GRIK1: variants seen among roughly 807,000 people sequenced by gnomAD.
GRIK1 encodes glutamate receptor ionotropic, kainate 1.
GRIK1 carries 69 observed loss-of-function variants against 105.7 expected under a neutral mutation model. The observed-to-expected ratio is 0.65, with a 90% CI of 0.54 to 0.80. GRIK1 has a LOEUF of 0.80. Ranked by LOEUF, GRIK1 falls within the 30% of genes least tolerant of loss-of-function variation. GRIK1 has a pLI of 0.00. For synonymous variants in GRIK1, 438 were observed against 431.3 expected, an observed-to-expected ratio of 1.02 and a Z score of -0.19; for missense variants, 1,109 against 1,167.3, an observed-to-expected ratio of 0.95 and a Z score of 0.73.
At chr21:29,784,875 T>C (rs1397522328) in intron 1 of GRIK1, among the ~76,000 whole-genome samples, 1 of 152,084 alleles carries the variant, frequency 6.6e-6, no homozygotes, top group East Asian at 1.9e-4. Context: ...AATCAGGGAG[T>C]TGCCCAAGCT....
chr21:29,804,784 C>T (rs2066817246), intron 1 of GRIK1, among the ~76,000 whole-genome samples: 1 of 152,126 alleles, frequency 6.6e-6, no homozygotes, highest in South Asian at 2.1e-4. Flanking sequence ...AGAAAGGTAT[C>T]TGTGGGAAGT....
chr21:29,561,734 G>A lies in GRIK1; in HGVS notation c.2246C>T (p.Ala749Val), dbSNP rs1017685323. The change falls in exon 15 of 18, where the codon GCG (alanine) becomes GTG (valine). Residue 749 changes from alanine (A) to valine (V), a missense_variant. Ala to Val is a moderately conservative substitution (Grantham distance 64). Around this residue, in one of 5 missense-constraint regions of GRIK1, gnomAD observed 264 missense variants for 306.9 expected, o/e 0.86. Transcript: ENST00000327783. ...GIQRVLTTDY[A>V]LLMESTSIEY... ...AATGCTGGTGGACTCCATCAGCAGC[G>A]CGTAGTCTGTGGTGAGCACTCTCTG... 13 of 1,613,458 alleles carry A rather than the reference G, an allele frequency of 8.1e-6. No individual in the cohort carries two copies. The highest frequency in any genetic ancestry group is 1.6e-4 in the Middle Eastern group (1 of 6,084).
chr21:29,770,180 G>A (rs765767750), intron 1 of GRIK1, among the ~76,000 whole-genome samples: 48 of 152,174 alleles, frequency 3.2e-4, no homozygotes, highest in Non-Finnish European at 5.7e-4. Flanking sequence ...GACAACTCGC[G>A]TTTTAAATTT....
intron 1 of GRIK1, among the ~76,000 whole-genome samples, chr21:29,852,866 A>G (rs545612133): frequency 6.6e-6 from 1 of 152,288 alleles, no homozygotes; most frequent in African/African-American, 2.4e-5. Context: ...TGCTTCTTTA[A>G]GTTATAAAGC....
At chr21:29,758,910 A>T (rs1270420383) in intron 1 of GRIK1, 3 of 153,248 alleles carry the variant, frequency 2.0e-5, no homozygotes, top group Non-Finnish European at 4.4e-5. Context: ...ATGCACAAGG[A>T]GCTCAGAGAA....
chr21:29,708,639 A>G (rs2063971834), intron 1 of GRIK1, among the ~76,000 whole-genome samples: 1 of 152,112 alleles, frequency 6.6e-6, no homozygotes, highest in African/African-American at 2.4e-5. Context: ...AGAGGACTTC[A>G]TTGCTAGTGA....
chr21:29,596,473 G>A lies in GRIK1; in HGVS notation c.1251+53C>T, dbSNP rs754573148. Reference sequence around the variant, plus strand: ...TTGGAAGGGCACAGGCCTTTCCAATGACATTCCCCATCCCACCCCCAGGTT... The same window carrying A: ...TTGGAAGGGCACAGGCCTTTCCAATAACATTCCCCATCCCACCCCCAGGTT... On this transcript the variant is annotated intron_variant, in intron 9 of 17. Coordinates refer to ENST00000327783, the MANE Select transcript of GRIK1 (RefSeq NM_001330994.2). 7 of 1,214,492 alleles carry A rather than the reference G, an allele frequency of 5.8e-6. No individual in the cohort carries two copies. In the South Asian group the frequency reaches 8.4e-5, roughly 15 times the overall value. The allele number at this position is 1,214,492 out of a possible 1,614,324, so 75.2% of individuals were successfully genotyped here. A position where few individuals can be genotyped will look rare whatever the true frequency, so the allele number is the denominator to read the frequency against.
intron 1 of GRIK1, among the ~76,000 whole-genome samples, chr21:29,801,329 C>T (rs1218188269): frequency 1.3e-5 from 2 of 151,764 alleles, no homozygotes; most frequent in African/African-American, 4.8e-5. Context: ...TAGTACTTAC[C>T]TCTTTTTAAA....
chr21:29,856,925 A>G (rs2068481978), intron 1 of GRIK1, among the ~76,000 whole-genome samples: 1 of 152,088 alleles, frequency 6.6e-6, no homozygotes, highest in Admixed American at 6.6e-5. Context: ...ATATTTGAGG[A>G]ACTGCCAGGA....
intron 4 of GRIK1, chr21:29,657,448 T>G (rs1300764336): frequency 6.6e-6 from 1 of 152,204 alleles, no homozygotes; most frequent in Non-Finnish European, 1.5e-5. Context: ...GATATTAAAA[T>G]GCAGCGAATA....
chr21:29,610,365 C>T (rs994405332), intron 7 of GRIK1, among the ~76,000 whole-genome samples: 3 of 151,970 alleles, frequency 2.0e-5, no homozygotes, highest in Non-Finnish European at 2.9e-5. Context: ...GAGATCATCC[C>T]GGATTATCTG....
At position 29,559,805 on chromosome 21, in the gene GRIK1, T is replaced by C. The variant is rs571676741; in HGVS notation, c.2356+1819A>G. Among the ~76,000 whole-genome samples the C allele has an allele frequency of 4.7e-4, 72 of 152,304 alleles. 1 individual carries two copies. Among genetic ancestry groups the C allele is most frequent in the South Asian group, 2.3e-3 (11 of 4,826 alleles). ...AAACATTAGGACAATTCACCTAAAATCTGGATTTTTTTTATTTTCTTAGAA... is the reference window on the plus strand; with the variant it reads ...AAACATTAGGACAATTCACCTAAAACCTGGATTTTTTTTATTTTCTTAGAA... On this transcript the variant is annotated intron_variant, in intron 15 of 17. Transcript: ENST00000327783.
chr21:29,791,631 A>G (rs1475894286), intron 1 of GRIK1, among the ~76,000 whole-genome samples: 1 of 152,190 alleles, frequency 6.6e-6, no homozygotes, highest in Non-Finnish European at 1.5e-5. Flanking sequence ...GCCTTGGCAA[A>G]GAAGGAAAAT....
At chr21:29,789,190 T>C (rs1023298073) in intron 1 of GRIK1, among the ~76,000 whole-genome samples, 2 of 152,222 alleles carry the variant, frequency 1.3e-5, no homozygotes, top group Non-Finnish European at 2.9e-5. Flanking sequence ...CTTCCCCATA[T>C]GACTTAGATA....
intron 1 of GRIK1, among the ~76,000 whole-genome samples, chr21:29,934,068 G>T (rs1012740675): frequency 6.6e-6 from 1 of 152,062 alleles, no homozygotes; most frequent in African/African-American, 2.4e-5. Flanking sequence ...TACCACCACC[G>T]CCATCTCCAT....
chr21:29,621,593 GC>G (rs2062004805), intron 7 of GRIK1, among the ~76,000 whole-genome samples: 1 of 152,052 alleles, frequency 6.6e-6, no homozygotes, highest in Non-Finnish European at 1.5e-5. Flanking sequence ...GTTCTGATTT[GC>G]CCAGTATTAT....
rs370503341 is a variant in GRIK1, at chr21:29,799,067, G to A, written c.119-105004C>T. On this transcript the variant is annotated intron_variant, in intron 1 of 17. Coordinates refer to ENST00000327783, the MANE Select transcript of GRIK1 (RefSeq NM_001330994.2). ...ATTGCCTGGAATTGTCACATTCCAA[G>A]AATGCCAGCAATCCCAGGCTAAACC... 8.5e-5 allele frequency among the ~76,000 whole-genome samples: 13 copies of A among 152,300 alleles called. No homozygotes were observed. In the East Asian group the frequency reaches 1.3e-3, roughly 16 times the overall value.
intron 1 of GRIK1, among the ~76,000 whole-genome samples, chr21:29,725,144 A>T (rs2064424233): frequency 6.6e-6 from 1 of 152,182 alleles, no homozygotes; most frequent in Admixed American, 6.6e-5. Context: ...CTCAACTGCA[A>T]GCGATTGCGA....
chr21:29,672,056 CTTTTT>C (rs57589929), intron 4 of GRIK1, among the ~76,000 whole-genome samples: 1 of 131,628 alleles, frequency 7.6e-6, no homozygotes, highest in African/African-American at 2.8e-5. Context: ...TCTGAATTTA[CTTTTT>C]TTTTTTTTTT....
Sources: allele counts gnomAD v4.1 joint callset (sites outside exome capture counted in the v4.1 genomes callset), GRCh38; gene constraint gnomAD v4.1.1; regional missense constraint gnomAD v4.1.1; transcripts MANE v1.5; gene names NCBI Gene and HGNC (gene_info 2026-07-23, HGNC 2026-07-21).